SMCHD1: variants seen among roughly 807,000 people sequenced by gnomAD.
SMCHD1 encodes structural maintenance of chromosomes flexible hinge domain-containing protein 1.
In SMCHD1, 78 loss-of-function variants were observed where a neutral mutation model predicts 254.7. The ratio of observed to expected loss-of-function variants is 0.31; its 90% CI spans 0.26 to 0.37. The LOEUF (loss-of-function observed/expected upper bound fraction) is 0.37. Ranked by LOEUF, SMCHD1 falls within the 10% of genes least tolerant of loss-of-function variation. SMCHD1 has a pLI of 1.00. For missense variants in SMCHD1, 1,840 were observed against 2,408.1 expected (o/e 0.76, Z 4.94); for synonymous variants, 766 against 794.9 (o/e 0.96, Z 0.61).
intron 17 of SMCHD1, among the ~76,000 whole-genome samples, chr18:2,711,717 C>T (rs992748592): frequency 6.6e-6 from 1 of 151,638 alleles, no homozygotes; most frequent in African/African-American, 2.4e-5. Flanking sequence ...CTCCTGACCT[C>T]GTGATCCGCC....
In SMCHD1 at chr18:2,761,955, A is replaced by G. The variant is rs9954465; in HGVS notation, c.4435-150A>G. On this transcript the variant is annotated intron_variant, in intron 35 of 47. Transcript: ENST00000320876. The stretch of plus-strand genomic sequence containing the variant: ...TTTTTTATGCTGAATTTTAAAAGCA[A>G]ATTGATTACTTTTAAAAGATTAATG... The G allele has an allele frequency of 0.22, 144,627 of 642,986 alleles. 17,310 individuals carry two copies. The highest frequency in any genetic ancestry group is 0.33 in the South Asian group (8,459 of 25,916). The allele number at this position is 642,986 out of a possible 1,614,324, so 39.8% of individuals were successfully genotyped here.
rs762964995 is a variant in SMCHD1, at chr18:2,732,402, G to A, written c.3186G>A (p.Ala1062=). The change falls in exon 25 of 48, where the codon GCG becomes GCA. Residue 1062 remains alanine (A), a synonymous_variant. Coordinates refer to ENST00000320876, the MANE Select transcript of SMCHD1 (RefSeq NM_015295.3). ...IKHQDEVNWI[A]GDIMHNLIFQ... is the part of the protein sequence containing the mutation. ...ATCAGGATGAGGTTAATTGGATAGC[G>A]GGTGATATTATGCATAATCTTATTT... 1.3e-5 allele frequency: 21 copies of A among 1,613,174 alleles called. 1 individual carries two copies. The East Asian group carries it at 2.7e-4, about 21-fold the overall frequency.
intron 20 of SMCHD1, among the ~76,000 whole-genome samples, chr18:2,723,263 T>A (rs754863832): frequency 6.6e-6 from 1 of 152,178 alleles, no homozygotes; most frequent in Non-Finnish European, 1.5e-5. Flanking sequence ...AGCAAATGGT[T>A]AGGGTTTTTT....
At chr18:2,665,975 A>G (rs2073424278) in intron 1 of SMCHD1, among the ~76,000 whole-genome samples, 182 bp from the exon 2 acceptor site, 1 of 152,198 alleles carries the variant, frequency 6.6e-6, no homozygotes, top group South Asian at 2.1e-4. Flanking sequence ...TAATTTATAT[A>G]GATTTATGCA....
At chr18:2,676,472 A>G (rs1568109828) in intron 5 of SMCHD1, among the ~76,000 whole-genome samples, 1 of 152,208 alleles carries the variant, frequency 6.6e-6, no homozygotes, top group East Asian at 1.9e-4. Flanking sequence ...TTCAGGTAGA[A>G]GAAGCACCAG....
At chr18:2,662,239 TTA>T (rs906620510) in intron 1 of SMCHD1, among the ~76,000 whole-genome samples, 4 of 150,056 alleles carry the variant, frequency 2.7e-5, no homozygotes, top group African/African-American at 9.8e-5. Flanking sequence ...AATAATAGAC[TTA>T]TGTGGGATTA....
At chr18:2,752,628 C>A in intron 34 of SMCHD1, 76 bp downstream of exon 34, 2 of 893,894 alleles carry the variant, frequency 2.2e-6, no homozygotes, top group Non-Finnish European at 3.5e-6. Flanking sequence ...TATATGTGGG[C>A]TCACCTGAGG....
chr18:2,785,908 C>CAT (rs2076233013), intron 45 of SMCHD1, among the ~76,000 whole-genome samples: 1 of 152,136 alleles, frequency 6.6e-6, no homozygotes, highest in East Asian at 1.9e-4. Context: ...CAGGTCTGTC[C>CAT]ATGTTGTAAT....
chr18:2,664,176 A>G (rs1486956152), intron 1 of SMCHD1, among the ~76,000 whole-genome samples: 1 of 152,194 alleles, frequency 6.6e-6, no homozygotes, highest in Non-Finnish European at 1.5e-5. Flanking sequence ...GGCATATTCT[A>G]GGTCTTAGGT....
At chr18:2,772,931 T>A (rs966277814) in intron 41 of SMCHD1, among the ~76,000 whole-genome samples, 8 of 152,278 alleles carry the variant, frequency 5.3e-5, no homozygotes, top group African/African-American at 1.9e-4. Context: ...GTAACCACCA[T>A]ATGAACTATT....
intron 16 of SMCHD1, 28 bp from the exon 17 acceptor site, chr18:2,707,779 T>C: frequency 6.4e-7 from 1 of 1,572,894 alleles, no homozygotes; most frequent in Non-Finnish European, 8.7e-7. Flanking sequence ...TGGGTGTAAT[T>C]AAGATACTTT....
chr18:2,712,831 T>C (rs2143316181), intron 17 of SMCHD1, among the ~76,000 whole-genome samples: 1 of 152,344 alleles, frequency 6.6e-6, no homozygotes, highest in Middle Eastern at 3.4e-3. Context: ...CTGTTTTATA[T>C]TATTTCATCT....
At chr18:2,800,833 A>G (rs2076348367) in intron 47 of SMCHD1, 1 of 152,208 alleles carries the variant, frequency 6.6e-6, no homozygotes, top group Admixed American at 6.5e-5. Flanking sequence ...AACAGTCATC[A>G]CACATATGAG....
At chr18:2,762,948 A>G (rs1162535711) in intron 36 of SMCHD1, among the ~76,000 whole-genome samples, 1 of 152,230 alleles carries the variant, frequency 6.6e-6, no homozygotes, top group Non-Finnish European at 1.5e-5. Context: ...CATAGTTAAG[A>G]AAGAAAATCA....
At chr18:2,708,867 C>CGT (rs2074583775) in intron 17 of SMCHD1, among the ~76,000 whole-genome samples, 1 of 8,294 alleles carries the variant, frequency 1.2e-4, no homozygotes, top group African/African-American at 4.0e-4. Context: ...TCAATAACTT[C>CGT]ATATATATAT....
Position 2,738,358 on chromosome 18 carries a change from C to CAGAT in SMCHD1, c.3277-39_3277-38insAGAT, listed in dbSNP as rs1568274950. 2.0e-6 allele frequency: 3 copies of CAGAT among 1,512,878 alleles called. No individual in the cohort carries two copies. In the South Asian group the frequency reaches 3.8e-5, roughly 19 times the overall value. The allele number at this position is 1,512,878 out of a possible 1,614,324, so 93.7% of individuals were successfully genotyped here. A position where few individuals can be genotyped will look rare whatever the true frequency, so the allele number is the denominator to read the frequency against. ...TAAGTGGCAGTAAGAGAACATTAGA[C>CAGAT]GAAGCTTTATTATTGTTAAATATCT... On this transcript the variant is annotated intron_variant, in intron 25 of 47. Transcript: ENST00000320876.
chr18:2,667,098 C>T (rs1292166188), intron 3 of SMCHD1, 67 bp downstream of exon 3: 2 of 1,118,078 alleles, frequency 1.8e-6, no homozygotes, highest in East Asian at 2.6e-5. Flanking sequence ...TTACGTATCC[C>T]ATTCCTTCAC....
At chr18:2,747,458 C>T in intron 29 of SMCHD1, 64 bp from the exon 30 acceptor site, 1 of 1,369,548 alleles carries the variant, frequency 7.3e-7, no homozygotes, top group Non-Finnish European at 1.0e-6. Flanking sequence ...CACAAATATA[C>T]AAGTAATTGC....
intron 12 of SMCHD1, among the ~76,000 whole-genome samples, chr18:2,702,768 G>T (rs1399215429): frequency 6.6e-6 from 1 of 152,120 alleles, no homozygotes; most frequent in Admixed American, 6.5e-5. Flanking sequence ...CTTCTTGACA[G>T]CAAGCATCAA....
Sources: allele counts gnomAD v4.1 joint callset (sites outside exome capture counted in the v4.1 genomes callset), GRCh38; gene constraint gnomAD v4.1.1; transcripts MANE v1.5; gene names NCBI Gene and HGNC (gene_info 2026-07-23, HGNC 2026-07-21).